DCAF5: variants seen among roughly 807,000 people sequenced by gnomAD.
DCAF5 encodes the protein DDB1- and CUL4-associated factor 5.
Under a neutral mutation model 80.7 loss-of-function variants are expected in DCAF5, and 9 were observed. That is an observed-to-expected ratio of 0.11 (90% CI 0.07 to 0.19). The LOEUF (loss-of-function observed/expected upper bound fraction) is 0.19. Among genes scored for constraint, DCAF5 ranks in the 10% least tolerant of loss-of-function variants. DCAF5 has a pLI of 1.00. For missense variants in DCAF5, 842 were observed against 1,205.7 expected (o/e 0.70, Z 4.47); for synonymous variants, 433 against 461.9 (o/e 0.94, Z 0.80).
rs150387419 is a variant in DCAF5 at position 69,065,229 on chromosome 14, T to C, written c.947-2718A>G. Among the ~76,000 whole-genome samples the C allele has an allele frequency of 6.3e-3, 959 of 151,894 alleles. 10 individuals carry two copies. Among genetic ancestry groups the C allele is most frequent in the Middle Eastern group, 0.024 (7 of 294 alleles). ...TCTCTGCCTCAGCCTCCTGAGTAGC[T>C]GGGATTACAGGCATCCACCACCATG... On this transcript the variant is annotated intron_variant, in intron 7 of 8. Coordinates refer to ENST00000341516, the MANE Select transcript of DCAF5 (RefSeq NM_003861.3).
chr14:69,054,091 T>G lies in DCAF5; in HGVS notation c.2595A>C (p.Ser865=). 2 of 1,614,254 alleles carry G rather than the reference T, an allele frequency of 1.2e-6. No individual in the cohort carries two copies. Among genetic ancestry groups the G allele is most frequent in the Non-Finnish European group, 1.7e-6 (2 of 1,180,040 alleles). ...EVVAYSSPGH[S]DTDRDNSSLT... ...GGGACGAGTTATCACGGTCAGTGTC[T>G]GAGTGTCCTGGGGAAGAGTAGGCCA... is the stretch of plus-strand genomic sequence containing the variant. Residue 865 remains serine, a synonymous_variant, in exon 9 of 9, where the codon TCA becomes TCC. Transcript: ENST00000341516.
At chr14:69,138,598 G>C (rs2041262981) in intron 1 of DCAF5, among the ~76,000 whole-genome samples, 2 of 152,186 alleles carry the variant, frequency 1.3e-5, no homozygotes, top group African/African-American at 4.8e-5. Context: ...TCCCTATTGA[G>C]GGAAAAGGTC....
chr14:69,136,391 C>T (rs1013472625), intron 1 of DCAF5, among the ~76,000 whole-genome samples: 6 of 152,122 alleles, frequency 3.9e-5, no homozygotes, highest in African/African-American at 1.2e-4. Flanking sequence ...GCTAGGATTA[C>T]AGGCATGAGC....
intron 5 of DCAF5, among the ~76,000 whole-genome samples, chr14:69,104,997 G>T (rs1326184818): frequency 2.0e-5 from 3 of 151,850 alleles, no homozygotes; most frequent in African/African-American, 7.3e-5. Flanking sequence ...TGGTATTAAG[G>T]AATTATTGTT....
chr14:69,129,259 C>T (rs1318489390), intron 1 of DCAF5, among the ~76,000 whole-genome samples: 1 of 152,164 alleles, frequency 6.6e-6, no homozygotes, highest in African/African-American at 2.4e-5. Flanking sequence ...TGCCTCTTGA[C>T]TTTGCCCTCA....
At chr14:69,080,674 C>T (rs992120968) in intron 6 of DCAF5, among the ~76,000 whole-genome samples, 31 of 152,052 alleles carry the variant, frequency 2.0e-4, no homozygotes, top group Non-Finnish European at 4.6e-4. Flanking sequence ...CAGAAAGGCT[C>T]AACAGCAGAT....
At chr14:69,121,130 A>G (rs2040705509) in intron 2 of DCAF5, among the ~76,000 whole-genome samples, 1 of 152,186 alleles carries the variant, frequency 6.6e-6, no homozygotes, top group South Asian at 2.1e-4. Context: ...ACAGTGTATA[A>G]CTCAGGGAAG....
intron 5 of DCAF5, among the ~76,000 whole-genome samples, chr14:69,109,068 G>A (rs955775049): frequency 3.9e-5 from 6 of 151,990 alleles, no homozygotes; most frequent in South Asian, 2.1e-4. Context: ...CAGGCCAGGC[G>A]CGGTGGCTCA....
intron 6 of DCAF5, among the ~76,000 whole-genome samples, chr14:69,088,850 T>A (rs1235801701): frequency 2.6e-5 from 4 of 152,186 alleles, no homozygotes; most frequent in Non-Finnish European, 5.9e-5. Flanking sequence ...CTGTCTAGAC[T>A]CATCAAAGAA....
chr14:69,146,091 C>T (rs1365075473), intron 1 of DCAF5, among the ~76,000 whole-genome samples: 10 of 152,186 alleles, frequency 6.6e-5, no homozygotes, highest in Admixed American at 6.5e-4. Flanking sequence ...TCAGTGAAAG[C>T]ACGTGCTTGT....
chr14:69,100,679 A>G (rs953031037), intron 5 of DCAF5, among the ~76,000 whole-genome samples: 2 of 152,248 alleles, frequency 1.3e-5, no homozygotes, highest in African/African-American at 4.8e-5. Context: ...ACAAATGGGA[A>G]AGTTAAGTGA....
At chr14:69,076,401 T>A (rs547919559) in intron 6 of DCAF5, among the ~76,000 whole-genome samples, 5 of 152,212 alleles carry the variant, frequency 3.3e-5, no homozygotes, top group Non-Finnish European at 5.9e-5. Context: ...GGTCTACTGA[T>A]AGATGAATGG....
chr14:69,120,314 G>T (rs1360738316), intron 2 of DCAF5, among the ~76,000 whole-genome samples: 1 of 152,014 alleles, frequency 6.6e-6, no homozygotes, highest in Non-Finnish European at 1.5e-5. Flanking sequence ...TGCCCAGGCT[G>T]GTCTCAAACT....
intron 6 of DCAF5, among the ~76,000 whole-genome samples, chr14:69,076,804 TA>T (rs911592935): frequency 3.3e-5 from 5 of 152,014 alleles, no homozygotes; most frequent in East Asian, 3.9e-4. Context: ...TTACCACAAT[TA>T]AAAAAAAATT....
At chr14:69,087,257 A>C (rs1014458666) in intron 6 of DCAF5, among the ~76,000 whole-genome samples, 2 of 152,178 alleles carry the variant, frequency 1.3e-5, no homozygotes, top group African/African-American at 4.8e-5. Context: ...CCCTATTAAG[A>C]GACTCGCTCA....
chr14:69,150,924 G>A (rs2041682554), intron 1 of DCAF5, among the ~76,000 whole-genome samples: 1 of 152,078 alleles, frequency 6.6e-6, no homozygotes, highest in Non-Finnish European at 1.5e-5. Flanking sequence ...GGTGTGTCAA[G>A]CTGGGCAACG....
intron 1 of DCAF5, among the ~76,000 whole-genome samples, chr14:69,126,870 T>A (rs1454765221): frequency 6.6e-6 from 1 of 152,162 alleles, no homozygotes; most frequent in Non-Finnish European, 1.5e-5. Context: ...AAAAATGAAT[T>A]TAGATACAGA....
chr14:69,060,744 C>A (rs1378561441), intron 8 of DCAF5, among the ~76,000 whole-genome samples: 3 of 152,114 alleles, frequency 2.0e-5, no homozygotes, highest in African/African-American at 7.2e-5. Context: ...TTGGGCCAGG[C>A]TGGTCTCGAA....
intron 6 of DCAF5, among the ~76,000 whole-genome samples, chr14:69,086,137 A>C (rs1467556831): frequency 6.6e-6 from 1 of 152,150 alleles, no homozygotes; most frequent in Non-Finnish European, 1.5e-5. Flanking sequence ...TGGGTGGATC[A>C]CTTGAGGTCA....
Sources: allele counts gnomAD v4.1 joint callset (sites outside exome capture counted in the v4.1 genomes callset), GRCh38; gene constraint gnomAD v4.1.1; transcripts MANE v1.5; gene names NCBI Gene and HGNC (gene_info 2026-07-23, HGNC 2026-07-21).